CLASP1: variants seen among roughly 807,000 people sequenced by gnomAD.
The protein encoded by CLASP1 is cytoplasmic linker associated protein 1.
CLASP1 carries 38 observed loss-of-function variants against 192.3 expected under a neutral mutation model. The ratio of observed to expected loss-of-function variants is 0.20; its 90% CI spans 0.15 to 0.26. The LOEUF is 0.26. Ranked by LOEUF, CLASP1 falls within the 10% of genes least tolerant of loss-of-function variation. The pLI is 1.00. For synonymous variants in CLASP1, 691 were observed against 712.8 expected (o/e 0.97, Z 0.49); for missense variants, 1,433 against 1,932.5 (o/e 0.74, Z 4.85).
At chr2:121,593,248 A>C (rs2062640410) in intron 2 of CLASP1, among the ~76,000 whole-genome samples, 1 of 152,156 alleles carries the variant, frequency 6.6e-6, no homozygotes, top group African/African-American at 2.4e-5. Flanking sequence ...CGAACTACAC[A>C]CAGTAAGGTG....
intron 8 of CLASP1, among the ~76,000 whole-genome samples, chr2:121,483,508 G>A (rs556199897): frequency 6.6e-6 from 1 of 151,258 alleles, no homozygotes; most frequent in Non-Finnish European, 1.5e-5. Context: ...GTATATATAT[G>A]TATGTATATA....
At chr2:121,610,785 A>G (rs1241309462) in intron 1 of CLASP1, among the ~76,000 whole-genome samples, 234 of 64,788 alleles carry the variant, frequency 3.6e-3, no homozygotes, top group Middle Eastern at 0.029. Context: ...AGGAGGAGGA[A>G]GAGTTACAGG....
At chr2:121,648,537 T>C (rs1474257187) in intron 1 of CLASP1, among the ~76,000 whole-genome samples, 2 of 152,164 alleles carry the variant, frequency 1.3e-5, no homozygotes, top group Non-Finnish European at 2.9e-5. Context: ...AACAACTATT[T>C]TAAAAATATT....
At chr2:121,611,325 G>T (rs1263764361) in intron 1 of CLASP1, among the ~76,000 whole-genome samples, 1 of 138,142 alleles carries the variant, frequency 7.2e-6, no homozygotes, top group African/African-American at 2.8e-5. Context: ...AACTGGAGGA[G>T]GAAGAGGAGT....
intron 2 of CLASP1, among the ~76,000 whole-genome samples, chr2:121,537,437 A>C (rs1354663052): frequency 1.3e-5 from 2 of 152,092 alleles, no homozygotes; most frequent in Admixed American, 1.3e-4. Flanking sequence ...CAATACCTGA[A>C]GAGATAATGG....
At chr2:121,641,878 G>A (rs2072145017) in intron 1 of CLASP1, among the ~76,000 whole-genome samples, 1 of 152,032 alleles carries the variant, frequency 6.6e-6, no homozygotes, top group South Asian at 2.1e-4. Flanking sequence ...ATAAATATGA[G>A]GCTGGATGTG....
At chr2:121,465,026 C>A (rs1471291877) in intron 9 of CLASP1, among the ~76,000 whole-genome samples, 11 of 152,074 alleles carry the variant, frequency 7.2e-5, no homozygotes, top group African/African-American at 7.2e-5. Context: ...ATCTCAAAAT[C>A]ATAAGAGCTA....
chr2:121,340,982 GA>G (rs2149074726), intron 39 of CLASP1, 35 bp from the exon 41 acceptor site: 1 of 1,423,030 alleles, frequency 7.0e-7, no homozygotes, highest in Non-Finnish European at 9.8e-7. Flanking sequence ...TTAGCAGGAA[GA>G]AAAGCAATCA....
intron 9 of CLASP1, 124 bp from the exon 10 acceptor site, chr2:121,462,729 G>A: frequency 1.6e-6 from 1 of 629,880 alleles, no homozygotes; most frequent in Non-Finnish European, 2.8e-6. Context: ...TTTTTTAAAA[G>A]GCTTCATATA....
intron 14 of CLASP1, among the ~76,000 whole-genome samples, chr2:121,454,311 G>C (rs1002624067): frequency 6.6e-6 from 1 of 152,104 alleles, no homozygotes; most frequent in Non-Finnish European, 1.5e-5. Context: ...CAGGTAGCTT[G>C]TTCTTTCCTC....
At chr2:121,495,833 C>T (rs944359165) in intron 8 of CLASP1, among the ~76,000 whole-genome samples, 17 of 152,106 alleles carry the variant, frequency 1.1e-4, no homozygotes, top group African/African-American at 4.1e-4. Flanking sequence ...ATCTATTATT[C>T]TGAGCACCAA....
intron 8 of CLASP1, among the ~76,000 whole-genome samples, chr2:121,481,723 A>G (rs2092611016): frequency 1.3e-5 from 2 of 152,166 alleles, no homozygotes; most frequent in African/African-American, 2.4e-5. Context: ...GTCTTGCCCT[A>G]GCCTCTACCA....
At chr2:121,536,530 A>G (rs963855238) in intron 2 of CLASP1, among the ~76,000 whole-genome samples, 4 of 152,196 alleles carry the variant, frequency 2.6e-5, no homozygotes, top group African/African-American at 9.7e-5. Context: ...CTACAGGAGT[A>G]AAAAGGTGGA....
chr2:121,631,785 A>G (rs554092455), intron 1 of CLASP1, among the ~76,000 whole-genome samples: 3 of 151,438 alleles, frequency 2.0e-5, no homozygotes, highest in Non-Finnish European at 3.0e-5. Context: ...AGTGGGTCAC[A>G]CCTGTAATCC....
chr2:121,596,862 C>T (rs2063200354), intron 2 of CLASP1, among the ~76,000 whole-genome samples: 1 of 152,192 alleles, frequency 6.6e-6, no homozygotes, highest in Non-Finnish European at 1.5e-5. Context: ...CTACACTGTG[C>T]ACCGCCCTCT....
intron 4 of CLASP1, 98 bp from the exon 5 acceptor site, chr2:121,527,988 AT>A (rs2094620179): frequency 1.2e-6 from 1 of 815,148 alleles, no homozygotes; most frequent in Middle Eastern, 2.3e-4. Flanking sequence ...CGAGCGCCAA[AT>A]TAGTCCCATC....
At chr2:121,357,216 C>T (rs750491011) in intron 37 of CLASP1, among the ~76,000 whole-genome samples, 7 of 152,072 alleles carry the variant, frequency 4.6e-5, no homozygotes, top group Non-Finnish European at 2.9e-5. Context: ...ATAGCTTCTT[C>T]GGTGTATTTA....
intron 37 of CLASP1, among the ~76,000 whole-genome samples, chr2:121,353,504 T>C (rs896100348): frequency 6.6e-6 from 1 of 152,204 alleles, no homozygotes. Flanking sequence ...TTCCTCTCCC[T>C]GCCCACACCC....
At chr2:121,513,224 G>T (rs529709168) in intron 7 of CLASP1, among the ~76,000 whole-genome samples, 6 of 152,296 alleles carry the variant, frequency 3.9e-5, no homozygotes, top group African/African-American at 1.4e-4. Context: ...TCTCACTAGA[G>T]TAAGGTTTTT....
Sources: allele counts gnomAD v4.1 joint callset (sites outside exome capture counted in the v4.1 genomes callset), GRCh38; gene constraint gnomAD v4.1.1; transcripts MANE v1.5; gene names NCBI Gene and HGNC (gene_info 2026-07-23, HGNC 2026-07-21).